The following CFAP47 variants were observed in gnomAD, a reference collection of about 807,000 sequenced individuals.
CFAP47 encodes the protein cilia and flagella associated protein 47, also known as cilia- and flagella-associated protein 47.
In CFAP47, 29 loss-of-function variants were observed where a neutral mutation model predicts 148.1. The observed-to-expected ratio is 0.20, with a 90% CI of 0.15 to 0.27. CFAP47 has a LOEUF of 0.27. Among genes scored for constraint, CFAP47 ranks in the 10% least tolerant of loss-of-function variants. The pLI is 1.00. For missense variants in CFAP47, 1,872 were observed against 1,697.5 expected, an observed-to-expected ratio of 1.10 and a Z score of -1.81; for synonymous variants, 664 against 577.3, an observed-to-expected ratio of 1.15 and a Z score of -2.15.
intron 49 of CFAP47, among the ~76,000 whole-genome samples, chrX:36,261,819 C>T (rs1205578015): frequency 1.8e-5 from 2 of 111,751 alleles, no homozygotes; most frequent in Non-Finnish European, 1.9e-5. Context: ...CATCATGGCC[C>T]GTTCTCAATG....
intron 35 of CFAP47, among the ~76,000 whole-genome samples, chrX:36,141,059 AT>A (rs34667862): frequency 0.076 from 6,943 of 91,722 alleles, 395 homozygotes; most frequent in African/African-American, 0.22. Flanking sequence ...TTGTCCTTAA[AT>A]TTTTTTTTTT....
intron 2 of CFAP47, among the ~76,000 whole-genome samples, chrX:35,928,760 G>T (rs1935782881): frequency 9.0e-6 from 1 of 110,964 alleles, no homozygotes; most frequent in Non-Finnish European, 1.9e-5. Flanking sequence ...AATGGTTGAA[G>T]ATTTTCTTCT....
At chrX:36,005,338 A>C (rs895435326) in intron 21 of CFAP47, among the ~76,000 whole-genome samples, 2 of 111,458 alleles carry the variant, frequency 1.8e-5, no homozygotes, top group African/African-American at 6.5e-5. Flanking sequence ...CTTTCCTCTA[A>C]ATACTGTTTT....
chrX:36,319,286 A>C lies in CFAP47; in HGVS notation c.8422A>C (p.Ser2808Arg). The C allele has an allele frequency of 3.7e-6, 4 of 1,074,327 alleles. No homozygotes were observed. The highest frequency in any genetic ancestry group is 5.0e-6 in the Non-Finnish European group (4 of 800,112). The allele number at this position is 1,074,327 out of a possible 1,213,427, so 88.5% of individuals were successfully genotyped here. A position where few individuals can be genotyped will look rare whatever the true frequency, so the allele number is the denominator to read the frequency against. ...FIYESSAFRF[S>R]SPSEIQGIAL... ...CTATGAGAGTTCTGCCTTCAGATTT[A>C]GTTCTCCGAGTGAAATACAAGGTAC... is the stretch of plus-strand genomic sequence containing the variant. Residue 2808 changes from serine to arginine, a missense_variant, in exon 57 of 64, where the codon AGT becomes CGT. Transcript: ENST00000378653.
At chrX:36,078,965 C>T (rs190696620) in intron 29 of CFAP47, among the ~76,000 whole-genome samples, 13 of 111,064 alleles carry the variant, frequency 1.2e-4, no homozygotes, top group South Asian at 7.6e-4. Context: ...TGAAATTCTG[C>T]GTTGAAAATT....
At chrX:36,157,999 C>T (rs1939389086) in intron 37 of CFAP47, among the ~76,000 whole-genome samples, 1 of 111,454 alleles carries the variant, frequency 9.0e-6, no homozygotes, top group Non-Finnish European at 1.9e-5. Flanking sequence ...TAAAATCACC[C>T]CCACTCCTGT....
intron 52 of CFAP47, among the ~76,000 whole-genome samples, chrX:36,300,470 A>C (rs903475151): frequency 5.4e-5 from 6 of 110,365 alleles, no homozygotes; most frequent in Admixed American, 4.8e-4. Context: ...TCTGTGTTTT[A>C]ATGGAGACGG....
chrX:35,936,867 T>C (rs1366480263), intron 2 of CFAP47, among the ~76,000 whole-genome samples: 1 of 109,280 alleles, frequency 9.2e-6, no homozygotes, highest in African/African-American at 3.3e-5. Context: ...ACATGTCTCT[T>C]GATAGAGGAG....
chrX:36,372,615 T>C (rs957519612), intron 62 of CFAP47, among the ~76,000 whole-genome samples: 4 of 111,580 alleles, frequency 3.6e-5, no homozygotes, highest in Non-Finnish European at 7.5e-5. Context: ...GTTACTATAC[T>C]GAATAATGAA....
At chrX:35,955,827 A>C in intron 7 of CFAP47, 134 bp from the exon 8 acceptor site, 1 of 930,501 alleles carries the variant, frequency 1.1e-6, no homozygotes, top group Non-Finnish European at 1.5e-6. Flanking sequence ...GACACTCAAT[A>C]ATTGTGTTGA....
intron 29 of CFAP47, among the ~76,000 whole-genome samples, chrX:36,080,955 A>G (rs1028742363): frequency 8.9e-6 from 1 of 112,030 alleles, no homozygotes; most frequent in Non-Finnish European, 1.9e-5. Context: ...AACTAGGAAA[A>G]CTAACTCAAA....
At chrX:35,939,149 C>A (rs958065880) in intron 2 of CFAP47, among the ~76,000 whole-genome samples, 2 of 110,931 alleles carry the variant, frequency 1.8e-5, no homozygotes, top group African/African-American at 3.3e-5. Flanking sequence ...TGAGAAGATG[C>A]CTTTATACCA....
chrX:36,058,641 T>A (rs1456204380), intron 26 of CFAP47, among the ~76,000 whole-genome samples: 1 of 111,988 alleles, frequency 8.9e-6, no homozygotes, highest in Non-Finnish European at 1.9e-5. Flanking sequence ...ATAAAAGAGA[T>A]CATCTAACTC....
chrX:36,105,915 C>T (rs1431986666), intron 33 of CFAP47, among the ~76,000 whole-genome samples: 1 of 112,218 alleles, frequency 8.9e-6, no homozygotes, highest in Admixed American at 9.5e-5. Flanking sequence ...CACATTTTTC[C>T]CAAATAATAT....
chrX:36,358,338 CCTT>C (rs1436502699), intron 60 of CFAP47, among the ~76,000 whole-genome samples: 2 of 111,462 alleles, frequency 1.8e-5, no homozygotes, highest in Admixed American at 9.6e-5. Flanking sequence ...ACTGGTTGAC[CCTT>C]CTTGATTTCT....
At chrX:36,246,731 A>G (rs995102625) in intron 48 of CFAP47, among the ~76,000 whole-genome samples, 3 of 111,505 alleles carry the variant, frequency 2.7e-5, no homozygotes, top group Non-Finnish European at 5.7e-5. Flanking sequence ...CCATATCACC[A>G]TCTCACACTA....
At chrX:36,295,497 G>T (rs1941234064) in intron 51 of CFAP47, among the ~76,000 whole-genome samples, 1 of 111,799 alleles carries the variant, frequency 8.9e-6, no homozygotes, top group Non-Finnish European at 1.9e-5. Flanking sequence ...GTTTTATTTT[G>T]TATGTTATTT....
intron 33 of CFAP47, among the ~76,000 whole-genome samples, chrX:36,124,565 C>G (rs1291142554): frequency 3.6e-5 from 4 of 111,268 alleles, no homozygotes; most frequent in Non-Finnish European, 7.5e-5. Context: ...GCACTGAGTT[C>G]AGTGCTTCAC....
chrX:36,085,985 A>G (rs1000253415), intron 30 of CFAP47, among the ~76,000 whole-genome samples: 16 of 111,100 alleles, frequency 1.4e-4, no homozygotes, highest in African/African-American at 5.2e-4. Context: ...AAATACATAA[A>G]TCCATTTAGC....
Sources: allele counts gnomAD v4.1 joint callset (sites outside exome capture counted in the v4.1 genomes callset), GRCh38; gene constraint gnomAD v4.1.1; transcripts MANE v1.5; gene names NCBI Gene and HGNC (gene_info 2026-07-23, HGNC 2026-07-21).